The following KCNK2 variants were observed in gnomAD, a reference collection of about 807,000 sequenced individuals.
KCNK2 encodes potassium channel subfamily K member 2.
In KCNK2, 21 loss-of-function variants were observed where a neutral mutation model predicts 40.5. The ratio of observed to expected loss-of-function variants is 0.52; its 90% CI spans 0.37 to 0.75. KCNK2 has a LOEUF of 0.75. Ranked by LOEUF, KCNK2 falls within the 30% of genes least tolerant of loss-of-function variation. KCNK2 has a pLI of 0.00. For missense variants in KCNK2, 399 were observed against 531.6 expected (o/e 0.75, Z 2.45); for synonymous variants, 191 against 202.2 (o/e 0.94, Z 0.47).
intron 1 of KCNK2, among the ~76,000 whole-genome samples, chr1:215,085,484 G>A (rs557632128): frequency 6.6e-6 from 1 of 152,228 alleles, no homozygotes; most frequent in African/African-American, 2.4e-5. Flanking sequence ...AGTCACCTCC[G>A]ACTATATGGC....
chr1:215,208,835 T>G (rs1289469340), intron 6 of KCNK2, among the ~76,000 whole-genome samples: 1 of 152,100 alleles, frequency 6.6e-6, no homozygotes, highest in African/African-American at 2.4e-5. Context: ...CCTATTCTTC[T>G]GTTTTGTTTT....
rs1301293303 is a variant in KCNK2 at position 215,234,870 on chromosome 1, G to A, written c.1006G>A (p.Val336Ile). The change falls in exon 7 of 7, where the codon GTC becomes ATC. Residue 336 changes from valine to isoleucine, a missense_variant. By Grantham distance (29) the Val-to-Ile change is conservative (BLOSUM62 3). Transcript: ENST00000444842. Reference sequence around the variant, plus strand: ...ACACGCTGCTGAGTGGACAGCCAACGTCACAGCCGAATTCAAAGAAACCAG... The same window carrying A: ...ACACGCTGCTGAGTGGACAGCCAACATCACAGCCGAATTCAAAGAAACCAG... ...RAHAAEWTAN[V>I]TAEFKETRRR... 2 of 1,614,040 alleles carry A rather than the reference G, an allele frequency of 1.2e-6. No individual in the cohort carries two copies. Among genetic ancestry groups the A allele is most frequent in the Non-Finnish European group, 1.7e-6 (2 of 1,179,994 alleles).
intron 5 of KCNK2, among the ~76,000 whole-genome samples, chr1:215,184,241 G>A (rs1664337844): frequency 6.6e-6 from 1 of 152,144 alleles, no homozygotes; most frequent in African/African-American, 2.4e-5. Context: ...TATTCAAAGT[G>A]TATAACTGGC....
intron 2 of KCNK2, among the ~76,000 whole-genome samples, chr1:215,096,075 C>T (rs959606563): frequency 6.6e-6 from 1 of 151,966 alleles, no homozygotes; most frequent in African/African-American, 2.4e-5. Flanking sequence ...TCCTTTCTTG[C>T]TTGCTAGCAT....
chr1:215,070,556 G>C (rs1366518337), intron 1 of KCNK2, among the ~76,000 whole-genome samples: 2 of 152,036 alleles, frequency 1.3e-5, no homozygotes, highest in Non-Finnish European at 2.9e-5. Context: ...GCAGGCAAGA[G>C]AGCTTGTGCA....
chr1:215,120,008 A>G (rs919195695), intron 2 of KCNK2, among the ~76,000 whole-genome samples: 1 of 152,142 alleles, frequency 6.6e-6, no homozygotes, highest in African/African-American at 2.4e-5. Context: ...TAGACTTACA[A>G]GAATATTCTA....
intron 6 of KCNK2, among the ~76,000 whole-genome samples, chr1:215,234,474 A>T (rs1367196718): frequency 2.0e-5 from 3 of 152,180 alleles, no homozygotes; most frequent in Admixed American, 6.5e-5. Context: ...ATTAGATACA[A>T]GTGAAAAAAA....
chr1:215,099,597 G>A (rs1343677273), intron 2 of KCNK2, among the ~76,000 whole-genome samples: 3 of 151,932 alleles, frequency 2.0e-5, no homozygotes, highest in Non-Finnish European at 4.4e-5. Context: ...TGGTGATGCG[G>A]CAGTGAAGGA....
intron 6 of KCNK2, among the ~76,000 whole-genome samples, chr1:215,233,463 C>T (rs1232561231): frequency 6.6e-6 from 1 of 151,692 alleles, no homozygotes; most frequent in Non-Finnish European, 1.5e-5. Flanking sequence ...CACACACACA[C>T]ACACACACAC....
intron 2 of KCNK2, among the ~76,000 whole-genome samples, chr1:215,091,895 A>G (rs959234203): frequency 6.6e-6 from 1 of 152,200 alleles, no homozygotes; most frequent in Non-Finnish European, 1.5e-5. Flanking sequence ...GAAGAACTAC[A>G]AGGATGCTGG....
At chr1:215,192,536 G>A (rs1386507533) in intron 5 of KCNK2, among the ~76,000 whole-genome samples, 3 of 152,114 alleles carry the variant, frequency 2.0e-5, no homozygotes, top group African/African-American at 7.2e-5. Context: ...TGTTAAATGA[G>A]TCACAAATAT....
intron 2 of KCNK2, among the ~76,000 whole-genome samples, chr1:215,090,467 A>T (rs556121806): frequency 1.3e-5 from 2 of 152,212 alleles, no homozygotes; most frequent in Admixed American, 1.3e-4. Flanking sequence ...AATGAATATT[A>T]TAGTTCTCTG....
intron 1 of KCNK2, among the ~76,000 whole-genome samples, chr1:215,010,476 G>A (rs570785611): frequency 6.6e-6 from 1 of 152,312 alleles, no homozygotes; most frequent in South Asian, 2.1e-4. Context: ...TGCTCTGCAT[G>A]TGCATAGCTC....
chr1:215,226,525 C>T (rs951407284), intron 6 of KCNK2, among the ~76,000 whole-genome samples: 4 of 152,094 alleles, frequency 2.6e-5, no homozygotes, highest in Non-Finnish European at 4.4e-5. Context: ...CGGGGTTTCA[C>T]CATGTTAGCC....
At chr1:215,210,005 A>T (rs183622179) in intron 6 of KCNK2, among the ~76,000 whole-genome samples, 87 of 22,736 alleles carry the variant, frequency 3.8e-3, no homozygotes, top group South Asian at 0.021. Flanking sequence ...AATATATATT[A>T]TATATAATAT....
At chr1:215,111,958 C>T (rs996965294) in intron 2 of KCNK2, among the ~76,000 whole-genome samples, 3 of 115,198 alleles carry the variant, frequency 2.6e-5, no homozygotes, top group South Asian at 2.5e-4. Context: ...TATAGTTGTG[C>T]GTTCTCTGGA....
intron 2 of KCNK2, among the ~76,000 whole-genome samples, chr1:215,111,564 A>G (rs1311639327): frequency 1.3e-5 from 2 of 152,054 alleles, no homozygotes; most frequent in Non-Finnish European, 2.9e-5. Context: ...TTTTTCCACT[A>G]AATTATTGTA....
intron 1 of KCNK2, among the ~76,000 whole-genome samples, chr1:215,054,812 T>G (rs543459482): frequency 6.6e-6 from 1 of 152,362 alleles, no homozygotes; most frequent in South Asian, 2.1e-4. Context: ...AAGACTCTTC[T>G]CAGTGCATGT....
At chr1:215,135,936 T>C (rs1661885959) in intron 3 of KCNK2, among the ~76,000 whole-genome samples, 2 of 152,094 alleles carry the variant, frequency 1.3e-5, no homozygotes. Context: ...GGTTTCACCA[T>C]GTTGGCCAGG....
Sources: allele counts gnomAD v4.1 joint callset (sites outside exome capture counted in the v4.1 genomes callset), GRCh38; gene constraint gnomAD v4.1.1; transcripts MANE v1.5; gene names NCBI Gene and HGNC (gene_info 2026-07-23, HGNC 2026-07-21).